PHF14: variants seen among roughly 807,000 people sequenced by gnomAD.
PHF14 encodes PHD finger protein 14.
Under a neutral mutation model 117.9 loss-of-function variants are expected in PHF14, and 55 were observed. The observed-to-expected ratio is 0.47, with a 90% CI of 0.38 to 0.58. The LOEUF is 0.58. Among genes scored for constraint, PHF14 ranks in the 20% least tolerant of loss-of-function variants. The probability of loss-of-function intolerance (pLI) is 0.00; values close to 1 mark genes in which losing one functional copy is unlikely to be tolerated. For missense variants in PHF14, 978 were observed against 1,122.2 expected (o/e 0.87, Z 1.84); for synonymous variants, 409 against 368.6 (o/e 1.11, Z -1.26).
chr7:11,113,936 C>G (rs1246696428), intron 17 of PHF14, among the ~76,000 whole-genome samples: 3 of 152,000 alleles, frequency 2.0e-5, no homozygotes, highest in East Asian at 3.9e-4. Flanking sequence ...TAAAAGAAAC[C>G]CAGAATGAAA....
chr7:10,977,902 A>T (rs1226601363), intron 2 of PHF14, among the ~76,000 whole-genome samples: 1 of 152,088 alleles, frequency 6.6e-6, no homozygotes, highest in Admixed American at 6.5e-5. Flanking sequence ...ATGATAGGAG[A>T]CTTATTTACA....
intron 13 of PHF14, among the ~76,000 whole-genome samples, chr7:11,047,310 C>G (rs571894317): frequency 3.0e-4 from 45 of 152,010 alleles, no homozygotes; most frequent in Middle Eastern, 3.4e-3. Context: ...CCTCATGATC[C>G]GCCTGCCTTG....
Position 10,982,962 on chromosome 7 carries a change from G to A in PHF14, c.703G>A (p.Asp235Asn). 2 of 1,594,146 alleles carry A rather than the reference G, an allele frequency of 1.3e-6. No homozygotes were observed. Among genetic ancestry groups the A allele is most frequent in the Non-Finnish European group, 1.7e-6 (2 of 1,169,974 alleles). Reference sequence around the variant, plus strand: ...GTCTCAGAAAGAGGGAAGTGATGGAGACAATGAGGATGATGAAGATGAGGG... The same window carrying A: ...GTCTCAGAAAGAGGGAAGTGATGGAAACAATGAGGATGATGAAGATGAGGG... ...SASQKEGSDGDNEDDEDEGSG... is the reference protein window; with the variant it reads ...SASQKEGSDGNNEDDEDEGSG... The change falls in exon 3 of 18, where the codon GAC (aspartate) becomes AAC (asparagine). Residue 235 changes from aspartate to asparagine, a missense_variant. Asp to Asn is a conservative substitution (Grantham distance 23). This residue lies in a region of PHF14 where 414 missense variants were observed against 376.4 expected (regional missense o/e 1.10). Transcript: ENST00000634607.
intron 16 of PHF14, among the ~76,000 whole-genome samples, chr7:11,090,921 G>T (rs192836798): frequency 2.4e-3 from 368 of 152,248 alleles, no homozygotes; most frequent in African/African-American, 8.7e-3. Flanking sequence ...AGTCATTCAA[G>T]GGAATAAACA....
chr7:10,997,128 C>A lies in PHF14; in HGVS notation c.1045+6281C>A, dbSNP rs189758512. ...CCTTTCTGTCTGTATTTAATGCATA[C>A]GTGCTTTACTTACTTTTTATCTATA... On this transcript the variant is annotated intron_variant, in intron 4 of 17. Transcript: ENST00000634607. Among the ~76,000 whole-genome samples the A allele has an allele frequency of 2.6e-5, 4 of 152,162 alleles. No homozygotes were observed. In the East Asian group the frequency reaches 7.7e-4, roughly 29 times the overall value.
chr7:11,165,226 C>G (rs1470442390), intron 17 of PHF14, among the ~76,000 whole-genome samples: 1 of 152,070 alleles, frequency 6.6e-6, no homozygotes, highest in Non-Finnish European at 1.5e-5. Context: ...GCCGGCCGAC[C>G]TTGACATTTT....
chr7:11,140,298 T>C (rs1788364525), intron 17 of PHF14, among the ~76,000 whole-genome samples: 1 of 152,120 alleles, frequency 6.6e-6, no homozygotes, highest in Non-Finnish European at 1.5e-5. Flanking sequence ...ATGTGCGATA[T>C]ACCCTATTTT....
chr7:10,994,977 G>C (rs1267984722), intron 4 of PHF14, among the ~76,000 whole-genome samples: 1 of 152,168 alleles, frequency 6.6e-6, no homozygotes, highest in African/African-American at 2.4e-5. Context: ...CCCACATCCT[G>C]CTGATAGGTC....
At chr7:11,102,894 A>C in intron 16 of PHF14, 1 of 1,121,096 alleles carries the variant, frequency 8.9e-7, no homozygotes, top group Non-Finnish European at 1.1e-6. Context: ...GTTGATACAC[A>C]GTGTTTGGAC....
Position 10,982,835 on chromosome 7 carries a change from G to T in PHF14, c.576G>T (p.Leu192=), listed in dbSNP as rs766609232. ...ACCTTCGACGAAACCGACCACTTCT[G>T]GATTTTGTGTCCATGGAAGAGCTGA... ...KWNLRRNRPL[L]DFVSMEELND... Residue 192 remains leucine (L), a synonymous_variant, in exon 3 of 18, where the codon CTG becomes CTT. Coordinates refer to ENST00000634607, the MANE Select transcript of PHF14 (RefSeq NM_001007157.2). 7.4e-6 allele frequency: 12 copies of T among 1,613,758 alleles called. No individual in the cohort carries two copies. The highest frequency in any genetic ancestry group is 5.0e-5 in the Admixed American group (3 of 59,960).
At chr7:10,994,881 C>G (rs535463050) in intron 4 of PHF14, among the ~76,000 whole-genome samples, 2 of 152,258 alleles carry the variant, frequency 1.3e-5, no homozygotes, top group South Asian at 4.1e-4. Context: ...AGCGAAAGAA[C>G]AAAGCTTCCA....
rs112464442 is a variant in PHF14 at position 11,074,411 on chromosome 7, C to T, written c.2654+12326C>T. On this transcript the variant is annotated intron_variant, in intron 16 of 17. Coordinates refer to ENST00000634607, the MANE Select transcript of PHF14 (RefSeq NM_001007157.2). ...ATTTTTAGTAGAGGCAGGGTTTCGCCGTGTTAGCCAGGATGGTCTCGATCT... is the reference window on the plus strand; with the variant it reads ...ATTTTTAGTAGAGGCAGGGTTTCGCTGTGTTAGCCAGGATGGTCTCGATCT... Among the ~76,000 whole-genome samples the T allele has an allele frequency of 3.7e-3, 556 of 152,032 alleles. 3 individuals carry two copies. The highest frequency in any genetic ancestry group is 0.013 in the African/African-American group (535 of 41,478).
intron 13 of PHF14, among the ~76,000 whole-genome samples, chr7:11,051,090 G>A (rs1048006978): frequency 6.6e-6 from 1 of 152,136 alleles, no homozygotes. Flanking sequence ...ACCCAGGCTG[G>A]AGTGCAGTGT....
chr7:11,123,734 C>T, intron 17 of PHF14, among the ~76,000 whole-genome samples: 1 of 151,042 alleles, frequency 6.6e-6, no homozygotes, highest in Non-Finnish European at 1.5e-5. Flanking sequence ...GAACCGAGAT[C>T]ACACCACTAC....
intron 17 of PHF14, among the ~76,000 whole-genome samples, chr7:11,134,955 G>C (rs1788177882): frequency 6.6e-6 from 1 of 152,048 alleles, no homozygotes; most frequent in African/African-American, 2.4e-5. Flanking sequence ...TAAACATGCT[G>C]ATATCTTTGT....
chr7:11,168,421 T>C (rs903768006), intron 17 of PHF14, among the ~76,000 whole-genome samples: 1 of 152,228 alleles, frequency 6.6e-6, no homozygotes, highest in Non-Finnish European at 1.5e-5. Flanking sequence ...CAAATATGCA[T>C]ACCTTGGTTT....
chr7:10,991,653 T>C (rs1233584948), intron 4 of PHF14, among the ~76,000 whole-genome samples: 11 of 151,824 alleles, frequency 7.2e-5, no homozygotes, highest in Non-Finnish European at 1.6e-4. Context: ...ATAATGAAAA[T>C]AGAAATGCTA....
intron 17 of PHF14, among the ~76,000 whole-genome samples, chr7:11,139,453 G>T (rs1448940373): frequency 6.6e-6 from 1 of 152,204 alleles, no homozygotes; most frequent in African/African-American, 2.4e-5. Flanking sequence ...TTTACATATT[G>T]ACCTATGCAG....
At chr7:11,015,299 T>A (rs1783496083) in intron 5 of PHF14, 1 of 152,202 alleles carries the variant, frequency 6.6e-6, no homozygotes, top group Admixed American at 6.5e-5. Flanking sequence ...ACAAGATTGC[T>A]GGGATAGCGT....
Sources: gnomAD v4.1 joint callset for allele counts (sites outside exome capture counted in the v4.1 genomes callset) on GRCh38, gnomAD v4.1.1 for gene constraint, gnomAD v4.1.1 regional missense constraint, MANE v1.5 for transcripts, NCBI Gene and HGNC (gene_info 2026-07-23, HGNC 2026-07-21) for gene names.